The following DCSTAMP variants were observed in gnomAD, a reference collection of about 807,000 sequenced individuals.
DCSTAMP encodes the protein dendritic cell-specific transmembrane protein.
DCSTAMP carries 25 observed loss-of-function variants against 33.8 expected under a neutral mutation model. That is an observed-to-expected ratio of 0.74 (90% CI 0.54 to 1.03). The LOEUF is 1.03. DCSTAMP is among the 50% of genes least tolerant of loss of function. The pLI is 0.00. For missense variants in DCSTAMP, 531 were observed against 556.8 expected (o/e 0.95, Z 0.47); for synonymous variants, 245 against 216.7 (o/e 1.13, Z -1.15).
intron 2 of DCSTAMP, among the ~76,000 whole-genome samples, chr8:104,352,413 T>C (rs1171621241): frequency 6.6e-6 from 1 of 152,194 alleles, no homozygotes; most frequent in African/African-American, 2.4e-5. Context: ...TCAGACATGC[T>C]TGATCTTTGG....
At chr8:104,348,291 C>A (rs1262042363) in intron 1 of DCSTAMP, among the ~76,000 whole-genome samples, 1 of 152,120 alleles carries the variant, frequency 6.6e-6, no homozygotes, top group Non-Finnish European at 1.5e-5. Context: ...TTGTCACTGT[C>A]ATTTCTGCCG....
chr8:104,353,774 A>G (rs1299123971), intron 2 of DCSTAMP, among the ~76,000 whole-genome samples: 1 of 152,234 alleles, frequency 6.6e-6, no homozygotes, highest in Admixed American at 6.5e-5. Flanking sequence ...GTTCTTTTTG[A>G]GAAGTCATTT....
Position 104,349,364 on chromosome 8 carries a change from A to C in DCSTAMP, c.812A>C (p.Lys271Thr), listed in dbSNP as rs761365381. 1.2e-6 allele frequency: 2 copies of C among 1,614,224 alleles called. No individual in the cohort carries two copies. The highest frequency in any genetic ancestry group is 2.2e-5 in the South Asian group (2 of 91,080). The part of the protein sequence containing the change: ...QQRPCVLPLN[K>T]EERRKYVIIP... Reference sequence around the variant, plus strand: ...AGGCCCTGTGTGCTCCCGCTGAATAAGGAGGAAAGGAGGAAGTATGTCATC... The same window carrying C: ...AGGCCCTGTGTGCTCCCGCTGAATACGGAGGAAAGGAGGAAGTATGTCATC... The change falls in exon 2 of 4, where the codon AAG (lysine) becomes ACG (threonine). Residue 271 changes from lysine to threonine, a missense_variant. By Grantham distance (78) the Lys-to-Thr change is moderately conservative (BLOSUM62 -1). Coordinates refer to ENST00000297581, the MANE Select transcript of DCSTAMP (RefSeq NM_030788.4).
Position 104,356,270 on chromosome 8 carries a change from A to C in DCSTAMP, c.*72A>C. 6.9e-7 allele frequency: 1 copy of C among 1,446,992 alleles called. No individual in the cohort carries two copies. The highest frequency in any genetic ancestry group is 9.4e-7 in the Non-Finnish European group (1 of 1,059,190). 89.6% of individuals were successfully genotyped at this position (1,446,992 alleles called of 1,614,324 possible). On this transcript the variant is annotated 3_prime_UTR_variant, in exon 4 of 4. Coordinates refer to ENST00000297581, the MANE Select transcript of DCSTAMP (RefSeq NM_030788.4). ...AGGTCTAGGATGGCAGTCACTATTC[A>C]TGCCGGATAATAGAGAACTATGTGA...
At chr8:104,342,108 C>T (rs2099382992) in intron 1 of DCSTAMP, among the ~76,000 whole-genome samples, 10 of 152,154 alleles carry the variant, frequency 6.6e-5, no homozygotes, top group Admixed American at 6.5e-4. Context: ...AGTTAGAAAT[C>T]TTTGGGCAAA....
In DCSTAMP at chr8:104,356,345, G is replaced by A; in HGVS notation, c.*147G>A. The stretch of plus-strand genomic sequence containing the variant: ...TTACAGAGCCAACTTGCAGCACCTG[G>A]TTATGCCTCCTTTCATCTCAAAGCC... On this transcript the variant is annotated 3_prime_UTR_variant, in exon 4 of 4. Transcript: ENST00000297581. 1 of 626,312 alleles carries A rather than the reference G, an allele frequency of 1.6e-6. No individual in the cohort carries two copies. Among genetic ancestry groups the A allele is most frequent in the Non-Finnish European group, 2.5e-6 (1 of 399,346 alleles). The allele number at this position is 626,312 out of a possible 1,614,324, so 38.8% of individuals were successfully genotyped here.
chr8:104,342,293 A>C (rs1464356269), intron 1 of DCSTAMP, among the ~76,000 whole-genome samples: 2 of 152,176 alleles, frequency 1.3e-5, no homozygotes, highest in African/African-American at 2.4e-5. Context: ...AGCCATGTGA[A>C]CGTCATCTGA....
At chr8:104,351,064 C>T (rs145718539) in intron 2 of DCSTAMP, among the ~76,000 whole-genome samples, 180 of 152,312 alleles carry the variant, frequency 1.2e-3, no homozygotes, top group Non-Finnish European at 1.8e-3. Flanking sequence ...TGGTGCCTCC[C>T]GCATCTTGAG....
In DCSTAMP at chr8:104,354,923, CTG is replaced by C. The variant is rs745620960; in HGVS notation, c.1080_1081del (p.Phe361Ter). 107 of 1,609,282 alleles carry C rather than the reference CTG, an allele frequency of 6.6e-5. No homozygotes were observed. Among genetic ancestry groups the C allele is most frequent in the Non-Finnish European group, 8.8e-5 (103 of 1,176,196 alleles). ...ATCCATGATTCTTCCTTTAATATAT[CTG>C]TGTTTGAACCCAACTGTATCCCAAA... On this transcript the variant is annotated frameshift_variant, in exon 3 of 4. Transcript: ENST00000297581. LOFTEE classifies it high-confidence loss of function.
intron 2 of DCSTAMP, among the ~76,000 whole-genome samples, chr8:104,352,120 C>T (rs1431464233): frequency 6.6e-6 from 1 of 152,184 alleles, no homozygotes; most frequent in Non-Finnish European, 1.5e-5. Context: ...ATGTTGCCTG[C>T]AAACCCTCCC....
intron 1 of DCSTAMP, among the ~76,000 whole-genome samples, chr8:104,342,476 T>C (rs1336609310): frequency 6.6e-6 from 1 of 152,216 alleles, no homozygotes; most frequent in East Asian, 1.9e-4. Context: ...TAGAGAACTT[T>C]CAAGAAAATC....
rs765596153 is a variant in DCSTAMP, at chr8:104,355,084, G to T, written c.1237G>T (p.Glu413Ter). 5.0e-6 allele frequency: 8 copies of T among 1,613,952 alleles called. No homozygotes were observed. The Admixed American group carries it at 8.3e-5, about 17-fold the overall frequency. Residue 413 changes from glutamate to a stop codon, truncating the protein, a stop_gained, in exon 3 of 4, where the codon GAG (glutamate) becomes TAG (stop). Coordinates refer to ENST00000297581, the MANE Select transcript of DCSTAMP (RefSeq NM_030788.4). LOFTEE classifies it high-confidence loss of function. ...LVSASFYPSV[E>*]RKRIQYLHAK... ...GTCAGCATCTTTCTACCCCAGCGTG[G>T]AGAGGAAGCGCATCCAATATCTGCA...
chr8:104,346,724 G>A (rs187354200), intron 1 of DCSTAMP, among the ~76,000 whole-genome samples: 85 of 152,332 alleles, frequency 5.6e-4, no homozygotes, highest in Non-Finnish European at 8.7e-4. Context: ...GGAACTGCAA[G>A]CACTCTCTAT....
At chr8:104,341,188 G>A (rs560881794) in intron 1 of DCSTAMP, among the ~76,000 whole-genome samples, 1 of 152,280 alleles carries the variant, frequency 6.6e-6, no homozygotes, top group African/African-American at 2.4e-5. Context: ...TACCAGCTCT[G>A]GAGACACATG....
At chr8:104,351,022 T>G (rs530721149) in intron 2 of DCSTAMP, among the ~76,000 whole-genome samples, 2 of 152,318 alleles carry the variant, frequency 1.3e-5, no homozygotes, top group Admixed American at 1.3e-4. Flanking sequence ...GTGACAAATC[T>G]TCATTAGCCA....
At chr8:104,346,094 G>A (rs1810308462) in intron 1 of DCSTAMP, among the ~76,000 whole-genome samples, 1 of 152,224 alleles carries the variant, frequency 6.6e-6, no homozygotes, top group African/African-American at 2.4e-5. Flanking sequence ...CTGTGTGATT[G>A]CTGACAAATT....
intron 1 of DCSTAMP, among the ~76,000 whole-genome samples, chr8:104,346,233 G>T (rs903732030): frequency 1.3e-5 from 2 of 152,218 alleles, no homozygotes; most frequent in Admixed American, 6.5e-5. Flanking sequence ...CATCTTTTAG[G>T]GTATCAATCA....
intron 1 of DCSTAMP, among the ~76,000 whole-genome samples, chr8:104,347,003 G>C (rs1351048120): frequency 6.6e-6 from 1 of 152,194 alleles, no homozygotes; most frequent in African/African-American, 2.4e-5. Flanking sequence ...TTTAAAAACT[G>C]ATCAATGTCC....
Position 104,349,003 on chromosome 8 carries a change from A to G in DCSTAMP, c.451A>G (p.Ile151Val). 6.2e-7 allele frequency: 1 copy of G among 1,614,192 alleles called. No homozygotes were observed. Among genetic ancestry groups the G allele is most frequent in the Non-Finnish European group, 8.5e-7 (1 of 1,180,038 alleles). The change falls in exon 2 of 4, where the codon ATT becomes GTT. Residue 151 changes from isoleucine to valine, a missense_variant. Ile to Val is a conservative substitution (Grantham distance 29). Transcript: ENST00000297581. ...AAAATATATTGAGGCAATTCAGTGGATTTATGGCCTTGCCACTCCACTAAG... is the reference window on the plus strand; with the variant it reads ...AAAATATATTGAGGCAATTCAGTGGGTTTATGGCCTTGCCACTCCACTAAG... ...LKKYIEAIQW[I>V]YGLATPLSVF...
Sources: allele counts gnomAD v4.1 joint callset (sites outside exome capture counted in the v4.1 genomes callset), GRCh38; gene constraint gnomAD v4.1.1; transcripts MANE v1.5; gene names NCBI Gene and HGNC (gene_info 2026-07-23, HGNC 2026-07-21).